The following FGD4 variants were observed in gnomAD, a reference collection of about 807,000 sequenced individuals.
FGD4 encodes FYVE, RhoGEF and PH domain containing 4, also known as FYVE, RhoGEF and PH domain-containing protein 4.
Under a neutral mutation model 102.0 loss-of-function variants are expected in FGD4, and 42 were observed. The observed-to-expected ratio is 0.41, with a 90% CI of 0.32 to 0.53. The LOEUF (loss-of-function observed/expected upper bound fraction) is 0.53, where lower values mean the gene tolerates loss of function less well. FGD4 is among the 20% of genes least tolerant of loss of function. The probability of loss-of-function intolerance (pLI) is 0.21; values close to 1 mark genes in which losing one functional copy is unlikely to be tolerated. For synonymous variants in FGD4, 380 were observed against 375.7 expected (o/e 1.01, Z -0.13); for missense variants, 902 against 1,078.2 (o/e 0.84, Z 2.29).
intron 1 of FGD4, among the ~76,000 whole-genome samples, chr12:32,557,271 G>T (rs1268726789): frequency 6.6e-6 from 1 of 152,182 alleles, no homozygotes; most frequent in African/African-American, 2.4e-5. Context: ...TGATATAGCT[G>T]TTAACAGACC....
intron 3 of FGD4, among the ~76,000 whole-genome samples, chr12:32,581,011 A>G: frequency 6.6e-6 from 1 of 152,248 alleles, no homozygotes; most frequent in Non-Finnish European, 1.5e-5. Context: ...TTAAAGAAAA[A>G]TAAAATCAGA....
chr12:32,560,193 C>T (rs144684575), intron 1 of FGD4, among the ~76,000 whole-genome samples: 320 of 152,278 alleles, frequency 2.1e-3, no homozygotes, highest in African/African-American at 7.4e-3. Flanking sequence ...TACTTTTTTC[C>T]AAGAAGATAG....
intron 1 of FGD4, among the ~76,000 whole-genome samples, chr12:32,484,499 G>A (rs1943840530): frequency 6.6e-6 from 1 of 152,178 alleles, no homozygotes. Flanking sequence ...GGACATTTGT[G>A]TTATGTAAAT....
intron 1 of FGD4, among the ~76,000 whole-genome samples, chr12:32,435,498 A>AGTGTGTGTGTGTGTGTGTGTGT (rs3076971): frequency 9.0e-4 from 134 of 149,714 alleles, no homozygotes; most frequent in East Asian, 3.0e-3. Flanking sequence ...CAATTAAAAA[A>AGTGTGTGTGTGTGTGTGTGTGT]GTGTGTGTGT....
chr12:32,526,060 C>A (rs1164664707), intron 1 of FGD4, among the ~76,000 whole-genome samples: 5 of 152,268 alleles, frequency 3.3e-5, no homozygotes, highest in African/African-American at 1.2e-4. Flanking sequence ...AATGCGAGCG[C>A]AGGGGGCAGG....
intron 11 of FGD4, among the ~76,000 whole-genome samples, chr12:32,624,097 T>A (rs1202974905): frequency 1.3e-5 from 2 of 152,194 alleles, no homozygotes; most frequent in Admixed American, 1.3e-4. Flanking sequence ...ACTGGAAGAT[T>A]AGCTGTTGTA....
chr12:32,554,262 T>G (rs1216923959), intron 1 of FGD4, among the ~76,000 whole-genome samples: 13 of 152,344 alleles, frequency 8.5e-5, no homozygotes, highest in Middle Eastern at 3.4e-3. Context: ...TTAACTTTTT[T>G]TTTGTTTGTT....
chr12:32,635,107 G>A (rs73311075), intron 15 of FGD4, among the ~76,000 whole-genome samples: 2,773 of 152,216 alleles, frequency 0.018, 79 homozygotes, highest in African/African-American at 0.063. Context: ...ATTGATAAAG[G>A]GTTACAAACT....
At chr12:32,539,457 T>C (rs982514209) in intron 1 of FGD4, among the ~76,000 whole-genome samples, 4 of 151,970 alleles carry the variant, frequency 2.6e-5, no homozygotes, top group Non-Finnish European at 5.9e-5. Flanking sequence ...TAATCCCAGC[T>C]ACTTGGGAGG....
intron 1 of FGD4, among the ~76,000 whole-genome samples, chr12:32,555,258 A>G (rs1053020951): frequency 4.6e-5 from 7 of 152,198 alleles, no homozygotes; most frequent in African/African-American, 1.7e-4. Context: ...CCAAGGTTTT[A>G]GCCTGTGCAT....
At chr12:32,490,304 G>A (rs1565773173) in intron 1 of FGD4, among the ~76,000 whole-genome samples, 1 of 151,466 alleles carries the variant, frequency 6.6e-6, no homozygotes, top group Non-Finnish European at 1.5e-5. Context: ...TTCTTAAATT[G>A]TCTCAAGCAT....
In FGD4 at chr12:32,640,702, G is replaced by C; in HGVS notation, c.*169G>C. On this transcript the variant is annotated 3_prime_UTR_variant, in exon 17 of 17. Transcript: ENST00000534526. Reference sequence around the variant, plus strand: ...TATGTACTCTTAGTGAAATTAGTGTGCAGAGTCATTCTACCGATAAAGTTT... The same window carrying C: ...TATGTACTCTTAGTGAAATTAGTGTCCAGAGTCATTCTACCGATAAAGTTT... The C allele has an allele frequency of 1.1e-6, 1 of 914,174 alleles. No individual in the cohort carries two copies. The highest frequency in any genetic ancestry group is 1.6e-5 in the South Asian group (1 of 61,624). The allele number at this position is 914,174 out of a possible 1,614,324, so 56.6% of individuals were successfully genotyped here. A position where few individuals can be genotyped will look rare whatever the true frequency, so the allele number is the denominator to read the frequency against.
chr12:32,606,149 A>T (rs1948764884), intron 7 of FGD4, among the ~76,000 whole-genome samples: 1 of 152,236 alleles, frequency 6.6e-6, no homozygotes, highest in South Asian at 2.1e-4. Context: ...TACGTAATAG[A>T]TTTTGGGAAA....
chr12:32,492,264 TAA>T (rs916262177), intron 1 of FGD4, among the ~76,000 whole-genome samples: 1 of 152,208 alleles, frequency 6.6e-6, no homozygotes, highest in Non-Finnish European at 1.5e-5. Context: ...CTCTATGAAA[TAA>T]AAGTTAATTA....
At chr12:32,441,613 C>A (rs1293433094) in intron 1 of FGD4, among the ~76,000 whole-genome samples, 1 of 151,854 alleles carries the variant, frequency 6.6e-6, no homozygotes, top group African/African-American at 2.4e-5. Context: ...AGCTGCGCAA[C>A]CTGGAATTAG....
At chr12:32,478,535 G>A (rs1482730802) in intron 1 of FGD4, among the ~76,000 whole-genome samples, 2 of 152,124 alleles carry the variant, frequency 1.3e-5, no homozygotes, top group African/African-American at 2.4e-5. Context: ...CAAAGTGCTG[G>A]GCTTACAGAT....
intron 1 of FGD4, among the ~76,000 whole-genome samples, chr12:32,524,014 A>G (rs531658036): frequency 6.6e-6 from 1 of 151,976 alleles, no homozygotes; most frequent in African/African-American, 2.4e-5. Flanking sequence ...CGGTTTGAAT[A>G]GCCACTTGGC....
chr12:32,610,633 T>A, intron 8 of FGD4, 143 bp from the exon 9 acceptor site: 1 of 705,474 alleles, frequency 1.4e-6, no homozygotes. Flanking sequence ...CTTTAGAAAG[T>A]ATATACCGTT....
chr12:32,415,589 A>G (rs1160757668), intron 1 of FGD4, among the ~76,000 whole-genome samples: 1 of 151,824 alleles, frequency 6.6e-6, no homozygotes, highest in Non-Finnish European at 1.5e-5. Context: ...CGCCTGGCTA[A>G]TTTATTGTAT....
Sources: allele counts gnomAD v4.1 joint callset (sites outside exome capture counted in the v4.1 genomes callset), GRCh38; gene constraint gnomAD v4.1.1; transcripts MANE v1.5; gene names NCBI Gene and HGNC (gene_info 2026-07-23, HGNC 2026-07-21).